PXDN: variants seen among roughly 807,000 people sequenced by gnomAD.
PXDN encodes the protein peroxidasin, also known as peroxidasin homolog.
A neutral mutation model predicts 140.3 loss-of-function variants in PXDN; 77 were observed. The ratio of observed to expected loss-of-function variants is 0.55; its 90% confidence interval spans 0.46 to 0.66. PXDN has a LOEUF of 0.66. Ranked by LOEUF, PXDN falls within the 30% of genes least tolerant of loss-of-function variation. The pLI is 0.00. For missense variants in PXDN, 1,838 were observed against 2,039.5 expected, an observed-to-expected ratio of 0.90 and a Z score of 1.90; for synonymous variants, 911 against 857.4, an observed-to-expected ratio of 1.06 and a Z score of -1.09.
At chr2:1,691,252 C>G (rs1037940274) in intron 3 of PXDN, among the ~76,000 whole-genome samples, 2 of 152,182 alleles carry the variant, frequency 1.3e-5, no homozygotes, top group African/African-American at 4.8e-5. Context: ...AAGCACACGA[C>G]ACACACTTCG....
At chr2:1,634,413 C>T (rs145293670) in intron 22 of PXDN, 90 bp from the exon 23 acceptor site, 291 of 1,462,616 alleles carry the variant, frequency 2.0e-4, no homozygotes, top group African/African-American at 1.2e-3. Context: ...GTGTCAGCCA[C>T]GGCCATGAGT....
chr2:1,680,257 A>G lies in PXDN; in HGVS notation c.666T>C (p.Cys222=). Residue 222 remains cysteine (C), a synonymous_variant, in exon 7 of 23, where the codon TGT becomes TGC. Coordinates refer to ENST00000252804, the MANE Select transcript of PXDN (RefSeq NM_012293.3). ...GTCCCTGGATGCGTCTGGGATATTC[A>G]CAGATGGCCGCTGCCTGCGCGTTCC... The part of the protein sequence containing the change: ...ESGNAQAAAI[C]EYPRRIQGRS... 2 of 1,613,150 alleles carry G rather than the reference A, an allele frequency of 1.2e-6. No individual in the cohort carries two copies. Among genetic ancestry groups the G allele is most frequent in the South Asian group, 2.2e-5 (2 of 90,820 alleles).
intron 21 of PXDN, among the ~76,000 whole-genome samples, chr2:1,638,560 C>T (rs1682630062): frequency 6.6e-6 from 1 of 152,164 alleles, no homozygotes; most frequent in Admixed American, 6.5e-5. Flanking sequence ...CATCCTAATC[C>T]TGTGTTCCCT....
chr2:1,694,163 G>A (rs562307198), intron 1 of PXDN, among the ~76,000 whole-genome samples: 4 of 152,252 alleles, frequency 2.6e-5, no homozygotes, highest in Admixed American at 6.5e-5. Flanking sequence ...GGATCGGTAC[G>A]GGTTGAACTG....
chr2:1,692,537 G>C (rs1558511365), intron 2 of PXDN: 1 of 471,864 alleles, frequency 2.1e-6, no homozygotes. Flanking sequence ...ACACCGTTGT[G>C]CTCAGTCCTG....
intron 6 of PXDN, among the ~76,000 whole-genome samples, chr2:1,681,622 C>G (rs1407314414): frequency 6.6e-6 from 1 of 152,140 alleles, no homozygotes; most frequent in Non-Finnish European, 1.5e-5. Flanking sequence ...AGCCCAGAGG[C>G]GACAGGAACA....
Position 1,643,444 on chromosome 2 carries a change from C to T in PXDN, c.3876G>A (p.Ala1292=), listed in dbSNP as rs377271958. The T allele has an allele frequency of 6.9e-5, 111 of 1,613,968 alleles. No homozygotes were observed. In the Middle Eastern group the frequency reaches 1.2e-3, roughly 17 times the overall value. The change falls in exon 19 of 23, where the codon GCG becomes GCA. Residue 1292 remains alanine, a synonymous_variant. Coordinates refer to ENST00000252804, the MANE Select transcript of PXDN (RefSeq NM_012293.3). ...AGCTGCCGTAGCCGTGAGGGAACTC[C>T]GCCACCCTGAACACGTCGCTCTGCA... ...TRVQSDVFRV[A]EFPHGYGSCD...
intron 1 of PXDN, among the ~76,000 whole-genome samples, chr2:1,703,482 G>A (rs1251072263): frequency 2.5e-5 from 1 of 40,046 alleles, no homozygotes. Flanking sequence ...CAGGTGAAGG[G>A]GGGGCAACTC....
In PXDN at chr2:1,685,902, G is replaced by A. The variant is rs1684044706; in HGVS notation, c.416+1730C>T. On this transcript the variant is annotated intron_variant, in intron 4 of 22. Transcript: ENST00000252804. This position sits in a 1 kb window ranked among gnomAD's most constrained non-coding sequence, Gnocchi z 5.1. ...ACTGAGGTCATCATTGAATTCAAAC[G>A]CATGTTTCCTGACTGGCCAGGTGTG... Among the ~76,000 whole-genome samples the A allele has an allele frequency of 1.3e-5, 2 of 152,116 alleles. No homozygotes were observed. Among genetic ancestry groups the A allele is most frequent in the African/African-American group, 4.8e-5 (2 of 41,430 alleles).
intron 9 of PXDN, among the ~76,000 whole-genome samples, chr2:1,672,946 G>A (rs1406354164): frequency 6.6e-6 from 1 of 152,274 alleles, no homozygotes; most frequent in Non-Finnish European, 1.5e-5. Flanking sequence ...TGCACAGGAC[G>A]ACAGGCAGAC....
Position 1,685,814 on chromosome 2 carries a change from C to G in PXDN, c.417-1663G>C, listed in dbSNP as rs1266810549. On this transcript the variant is annotated intron_variant, in intron 4 of 22. Transcript: ENST00000252804. The surrounding 1 kb of genome is among the most constrained non-coding windows in gnomAD (Gnocchi z 5.1). ...GGGGCCCCAGGCAGCCTGGGGTGTC[C>G]TCCACCCCTCCCTGAACAATTGAGG... is the stretch of plus-strand genomic sequence containing the variant. Among the ~76,000 whole-genome samples the G allele has an allele frequency of 6.6e-6, 1 of 151,962 alleles. No homozygotes were observed. Among genetic ancestry groups the G allele is most frequent in the Non-Finnish European group, 1.5e-5 (1 of 67,980 alleles).
At chr2:1,675,959 G>A (rs183464681) in intron 8 of PXDN, among the ~76,000 whole-genome samples, 97 of 152,224 alleles carry the variant, frequency 6.4e-4, no homozygotes, top group South Asian at 2.5e-3. Flanking sequence ...CTGTCCTCAC[G>A]CAGGCAGATG....
At chr2:1,663,186 G>C (rs144332874) in intron 12 of PXDN, among the ~76,000 whole-genome samples, 151 of 152,230 alleles carry the variant, frequency 9.9e-4, no homozygotes, top group African/African-American at 3.6e-3. Flanking sequence ...AAAGAAACTG[G>C]ATTTGGCCTC....
At chr2:1,740,274 G>C (rs1685510499) in intron 1 of PXDN, among the ~76,000 whole-genome samples, 1 of 152,188 alleles carries the variant, frequency 6.6e-6, no homozygotes, top group African/African-American at 2.4e-5. Context: ...CAAACACCCT[G>C]TGACCTCTAT....
At position 1,683,685 on chromosome 2, in the gene PXDN, T is replaced by C. The variant is rs577963506; in HGVS notation, c.531A>G (p.Thr177=). 4.2e-4 allele frequency: 671 copies of C among 1,608,486 alleles called. 5 individuals carry two copies. The South Asian group carries it at 7.1e-3, about 17-fold the overall frequency. Residue 177 remains threonine, a synonymous_variant, in exon 6 of 23, where the codon ACA becomes ACG. Coordinates refer to ENST00000252804, the MANE Select transcript of PXDN (RefSeq NM_012293.3). ...TCTTCATAGATTCCAAGTGATTAAATGTCCCTGGAACTAAATGTGTAATCC... is the reference window on the plus strand; with the variant it reads ...TCTTCATAGATTCCAAGTGATTAAACGTCCCTGGAACTAAATGTGTAATCC... ...NNRITHLVPG[T]FNHLESMKRL... is the part of the protein sequence containing the mutation.
At chr2:1,683,558 A>AATGGAT in intron 6 of PXDN, 98 bp downstream of exon 6, 1 of 499,216 alleles carries the variant, frequency 2.0e-6, no homozygotes, top group Non-Finnish European at 3.0e-6. Context: ...TCAGATTGTT[A>AATGGAT]TCAACATTTC....
rs142195216 is a variant in PXDN, at chr2:1,720,013, TAGAG to T, written c.200+24239_200+24242del. ...CAGAGAGAGAGGGAGGGGAGGGATG[TAGAG>T]AGAGAGAGAGAGAGAGGGAGGGATG... On this transcript the variant is annotated intron_variant, in intron 1 of 22. Coordinates refer to ENST00000252804, the MANE Select transcript of PXDN (RefSeq NM_012293.3). 2.5e-3 allele frequency among the ~76,000 whole-genome samples: 9 copies of T among 3,550 alleles called. 1 individual carries two copies. The highest frequency in any genetic ancestry group is 2.4e-3 in the Non-Finnish European group (5 of 2,102). The allele number at this position is 3,550 out of a possible 152,430, so 2.3% of individuals were successfully genotyped here.
chr2:1,693,426 G>A lies in PXDN; in HGVS notation c.201-292C>T, dbSNP rs949011822. 4.6e-5 allele frequency among the ~76,000 whole-genome samples: 7 copies of A among 152,288 alleles called. No homozygotes were observed. In the East Asian group the frequency reaches 9.7e-4, roughly 21 times the overall value. On this transcript the variant is annotated intron_variant, in intron 1 of 22. Coordinates refer to ENST00000252804, the MANE Select transcript of PXDN (RefSeq NM_012293.3). ...CTCTGGCAACCCACTGGAAAATGTC[G>A]TGTCGATAAGTCTTAGGATAATAAA...
At position 1,699,673 on chromosome 2, in the gene PXDN, G is replaced by A. The variant is rs148149057; in HGVS notation, c.201-6539C>T. 7.0e-3 allele frequency among the ~76,000 whole-genome samples: 1,062 copies of A among 152,262 alleles called. 13 individuals are homozygous for A. The highest frequency in any genetic ancestry group is 0.024 in the African/African-American group (1,017 of 41,554). ...TGCAGTGAGCCAAGGTAGCACCATT[G>A]CACTCCAGCCTGGGCAACAAGAGCG... On this transcript the variant is annotated intron_variant, in intron 1 of 22. Transcript: ENST00000252804.
Sources: allele counts gnomAD v4.1 joint callset (sites outside exome capture counted in the v4.1 genomes callset), GRCh38; gene constraint gnomAD v4.1.1; non-coding constraint Gnocchi (gnomAD v3.1); transcripts MANE v1.5; gene names NCBI Gene and HGNC (gene_info 2026-07-23, HGNC 2026-07-21).